SEMA6D: variants seen among roughly 807,000 people sequenced by gnomAD.
SEMA6D encodes the protein semaphorin-6D.
SEMA6D carries 35 observed loss-of-function variants against 106.6 expected under a neutral mutation model. The observed-to-expected ratio is 0.33, with a 90% CI of 0.25 to 0.44. SEMA6D has a LOEUF of 0.44. SEMA6D is among the 20% of genes least tolerant of loss of function. The pLI is 1.00. For synonymous variants in SEMA6D, 499 were observed against 487.7 expected, an observed-to-expected ratio of 1.02 and a Z score of -0.31; for missense variants, 1,185 against 1,345.9, an observed-to-expected ratio of 0.88 and a Z score of 1.87.
At chr15:47,309,952 G>C (rs370550924) in intron 1 of SEMA6D, among the ~76,000 whole-genome samples, 1 of 152,290 alleles carries the variant, frequency 6.6e-6, no homozygotes, top group South Asian at 2.1e-4. Flanking sequence ...GGGACTGTCT[G>C]GATATCATTC....
chr15:47,653,214 A>G (rs886559952), intron 4 of SEMA6D, among the ~76,000 whole-genome samples: 1 of 152,170 alleles, frequency 6.6e-6, no homozygotes, highest in Admixed American at 6.5e-5. Flanking sequence ...AGGCTGAATC[A>G]CTCTTTACAT....
chr15:47,299,996 A>G (rs2035957993), intron 1 of SEMA6D, among the ~76,000 whole-genome samples: 1 of 152,252 alleles, frequency 6.6e-6, no homozygotes. Flanking sequence ...TGGGGCGTAT[A>G]CATTAACAGA....
intron 1 of SEMA6D, among the ~76,000 whole-genome samples, chr15:47,277,388 ATTG>A (rs1217712556): frequency 6.6e-6 from 1 of 151,876 alleles, no homozygotes; most frequent in Non-Finnish European, 1.5e-5. Context: ...AGCAAACTTC[ATTG>A]TTGTCTTATT....
chr15:47,536,254 A>G (rs1187975553), intron 3 of SEMA6D, among the ~76,000 whole-genome samples: 1 of 152,226 alleles, frequency 6.6e-6, no homozygotes, highest in Admixed American at 6.5e-5. Flanking sequence ...GAGGAGTTCC[A>G]CCATAAATGG....
intron 1 of SEMA6D, among the ~76,000 whole-genome samples, chr15:47,226,304 A>G (rs1379795274): frequency 4.6e-5 from 7 of 152,034 alleles, no homozygotes; most frequent in African/African-American, 1.7e-4. Context: ...AGCCTCTATA[A>G]CTGTGAGACA....
intron 3 of SEMA6D, among the ~76,000 whole-genome samples, chr15:47,600,530 TAACAACAAC>T (rs145529962): frequency 0.033 from 4,972 of 152,102 alleles, 268 homozygotes; most frequent in African/African-American, 0.11. Flanking sequence ...TTTAAAAGTT[TAACAACAAC>T]AACAACAACA....
chr15:47,462,061 A>T (rs1259434192), intron 2 of SEMA6D, among the ~76,000 whole-genome samples: 1 of 151,926 alleles, frequency 6.6e-6, no homozygotes, highest in Non-Finnish European at 1.5e-5. Flanking sequence ...TGTTAGCGTG[A>T]TTCATTTCAA....
intron 3 of SEMA6D, among the ~76,000 whole-genome samples, chr15:47,572,327 A>G (rs939054039): frequency 1.3e-5 from 2 of 152,344 alleles, no homozygotes. Flanking sequence ...TTATTTGTGT[A>G]TTAGTCTTTG....
intron 1 of SEMA6D, among the ~76,000 whole-genome samples, chr15:47,371,093 A>G (rs192189795): frequency 1.3e-5 from 2 of 152,316 alleles, no homozygotes; most frequent in East Asian, 3.9e-4. Context: ...ATTAGCTTAG[A>G]GTTCCCCAAA....
chr15:47,217,716 T>G (rs2141314822), intron 1 of SEMA6D, among the ~76,000 whole-genome samples: 1 of 152,088 alleles, frequency 6.6e-6, no homozygotes, highest in South Asian at 2.1e-4. Flanking sequence ...TTGAAAAATG[T>G]TATGCCATTT....
chr15:47,704,347 A>G (rs565866467), intron 4 of SEMA6D, among the ~76,000 whole-genome samples: 1 of 152,264 alleles, frequency 6.6e-6, no homozygotes, highest in South Asian at 2.1e-4. Context: ...TATTTTTAAA[A>G]TATTTTGTAT....
intron 3 of SEMA6D, among the ~76,000 whole-genome samples, chr15:47,546,262 C>T (rs191500966): frequency 1.1e-4 from 16 of 152,236 alleles, no homozygotes; most frequent in South Asian, 4.1e-4. Flanking sequence ...GAGAAAAACA[C>T]GTATATCAGA....
chr15:47,301,340 T>C (rs569156161), intron 1 of SEMA6D, among the ~76,000 whole-genome samples: 2 of 152,342 alleles, frequency 1.3e-5, no homozygotes, highest in South Asian at 4.1e-4. Context: ...CAGAGGCTCC[T>C]CAGTCTATGC....
At chr15:47,761,454 G>A in intron 6 of SEMA6D, 23 bp downstream of exon 6, 1 of 1,546,598 alleles carries the variant, frequency 6.5e-7, no homozygotes, top group Non-Finnish European at 8.8e-7. Context: ...TATGTGATAT[G>A]CTTCTTTTGA....
At chr15:47,506,506 A>T (rs978734416) in intron 3 of SEMA6D, among the ~76,000 whole-genome samples, 12 of 151,940 alleles carry the variant, frequency 7.9e-5, no homozygotes, top group Non-Finnish European at 1.6e-4. Flanking sequence ...GCTGGGGGAA[A>T]ATCCAAGCCT....
chr15:47,325,160 T>G (rs1417853816), intron 1 of SEMA6D, among the ~76,000 whole-genome samples: 2 of 38,144 alleles, frequency 5.2e-5, no homozygotes, highest in Non-Finnish European at 8.3e-5. Context: ...GGGTGAAGCG[T>G]TTTTTTTTTG....
At chr15:47,335,183 G>A (rs546072206) in intron 1 of SEMA6D, among the ~76,000 whole-genome samples, 9 of 152,178 alleles carry the variant, frequency 5.9e-5, no homozygotes, top group East Asian at 3.9e-4. Flanking sequence ...GAATTATCTC[G>A]TTTTGTGGAT....
chr15:47,374,287 AG>A (rs1363198047), intron 1 of SEMA6D, among the ~76,000 whole-genome samples: 2 of 152,170 alleles, frequency 1.3e-5, no homozygotes, highest in Non-Finnish European at 2.9e-5. Context: ...TTGGAGTTGC[AG>A]GGGGTGGTAA....
intron 3 of SEMA6D, among the ~76,000 whole-genome samples, chr15:47,596,158 C>T (rs749837700): frequency 2.6e-5 from 4 of 151,654 alleles, no homozygotes; most frequent in Non-Finnish European, 4.4e-5. Context: ...ACAAATTATC[C>T]AAAAAAGAAA....
Sources: gnomAD v4.1 joint callset for allele counts (sites outside exome capture counted in the v4.1 genomes callset) on GRCh38, gnomAD v4.1.1 for gene constraint, MANE v1.5 for transcripts, NCBI Gene and HGNC (gene_info 2026-07-23, HGNC 2026-07-21) for gene names.